VIL1: variants seen among roughly 807,000 people sequenced by gnomAD.
The protein encoded by VIL1 is villin-1.
Under a neutral mutation model 104.0 loss-of-function variants are expected in VIL1, and 86 were observed. The ratio of observed to expected loss-of-function variants is 0.83; its 90% CI spans 0.69 to 0.99. VIL1 has a LOEUF of 0.99. VIL1 is among the 50% of genes least tolerant of loss of function. VIL1 has a pLI of 0.00. For synonymous variants in VIL1, 394 were observed against 412.6 expected, an observed-to-expected ratio of 0.95 and a Z score of 0.55; for missense variants, 944 against 1,054.1, an observed-to-expected ratio of 0.90 and a Z score of 1.45.
intron 10 of VIL1, chr2:218,431,217 G>A: frequency 2.1e-6 from 1 of 471,660 alleles, no homozygotes; most frequent in Non-Finnish European, 3.7e-6. Flanking sequence ...CAAGCATGGT[G>A]GTGCATGCCT....
chr2:218,420,968 C>A (rs972912324), intron 1 of VIL1, among the ~76,000 whole-genome samples: 2 of 152,074 alleles, frequency 1.3e-5, no homozygotes, highest in African/African-American at 2.4e-5. Flanking sequence ...AGCTCAGGGA[C>A]CTCCAACTTA....
At chr2:218,438,579 C>T in intron 17 of VIL1, 79 bp from the exon 18 acceptor site, 1 of 1,397,886 alleles carries the variant, frequency 7.2e-7, no homozygotes, top group Non-Finnish European at 1.0e-6. Flanking sequence ...GCCTTCTTTT[C>T]ATTCCTGAGG....
chr2:218,420,090 C>T (rs980835033), intron 1 of VIL1, among the ~76,000 whole-genome samples: 6 of 152,152 alleles, frequency 3.9e-5, no homozygotes, highest in African/African-American at 1.4e-4. Flanking sequence ...GGCAGCACCC[C>T]ACTTACAACA....
In VIL1 at chr2:218,430,756, G is replaced by A. The variant is rs1689080267; in HGVS notation, c.980G>A (p.Ser327Asn). The A allele has an allele frequency of 1.9e-6, 3 of 1,609,970 alleles. No homozygotes were observed. The highest frequency in any genetic ancestry group is 2.5e-6 in the Non-Finnish European group (3 of 1,177,898). The change falls in exon 10 of 20, where the codon AGC becomes AAC. Residue 327 changes from serine (S) to asparagine (N), a missense_variant. Transcript: ENST00000248444. ...NFIKAKQYPP[S>N]TQVEVQNDGA... ...ATCAAAGCCAAGCAGTACCCACCAA[G>A]CACACAGGTGGAGGTGCAGAATGAT...
In VIL1 at chr2:218,430,757, C is replaced by T. The variant is rs753156105; in HGVS notation, c.981C>T (p.Ser327=). 1.2e-6 allele frequency: 2 copies of T among 1,609,686 alleles called. No individual in the cohort carries two copies. The highest frequency in any genetic ancestry group is 2.7e-5 in the African/African-American group (2 of 74,824). ...NFIKAKQYPP[S]TQVEVQNDGA... is the part of the protein sequence containing the mutation. Reference sequence around the variant, plus strand: ...TCAAAGCCAAGCAGTACCCACCAAGCACACAGGTGGAGGTGCAGAATGATG... The same window carrying T: ...TCAAAGCCAAGCAGTACCCACCAAGTACACAGGTGGAGGTGCAGAATGATG... The change falls in exon 10 of 20, where the codon AGC becomes AGT. Residue 327 remains serine (S), a synonymous_variant. Coordinates refer to ENST00000248444, the MANE Select transcript of VIL1 (RefSeq NM_007127.3).
intron 2 of VIL1, 110 bp downstream of exon 2, chr2:218,423,963 C>T (rs1425079409): frequency 4.0e-6 from 5 of 1,260,568 alleles, no homozygotes; most frequent in Non-Finnish European, 5.7e-6. Context: ...TGCCCTGAAG[C>T]CCCTGAGAGC....
At chr2:218,425,579 C>T in intron 3 of VIL1, 36 bp from the exon 4 acceptor site, 1 of 1,608,976 alleles carries the variant, frequency 6.2e-7, no homozygotes, top group African/African-American at 1.3e-5. Context: ...CTGTGGGAGC[C>T]CAGGGTCTCG....
intron 3 of VIL1, among the ~76,000 whole-genome samples, 187 bp from the exon 4 acceptor site, chr2:218,425,428 A>G (rs575694148): frequency 6.6e-6 from 1 of 152,322 alleles, no homozygotes; most frequent in African/African-American, 2.4e-5. Context: ...AGAGAGGAGA[A>G]GCCATGTCTC....
rs752863768 is a variant in VIL1 at position 218,424,373 on chromosome 2, G to C, written c.150+22G>C. The C allele has an allele frequency of 1.9e-5, 30 of 1,612,202 alleles. No individual in the cohort carries two copies. In the South Asian group the frequency reaches 3.2e-4, roughly 17 times the overall value. Reference sequence around the variant, plus strand: ...GGCTGTGAGTCAGGGGCAGGGGAGGGGGCTGAGCAGAGAGCAAAACCCACT... The same window carrying C: ...GGCTGTGAGTCAGGGGCAGGGGAGGCGGCTGAGCAGAGAGCAAAACCCACT... On this transcript the variant is annotated intron_variant, in intron 3 of 19. Transcript: ENST00000248444.
In VIL1 at chr2:218,434,578, TC is replaced by T. The variant is rs752726860; in HGVS notation, c.1555del (p.Gln519ArgfsTer134). 6.2e-7 allele frequency: 1 copy of T among 1,614,094 alleles called. No individual in the cohort carries two copies. Among genetic ancestry groups the T allele is most frequent in the Non-Finnish European group, 8.5e-7 (1 of 1,180,006 alleles). Reference sequence around the variant, plus strand: ...GAGACCGGGCCCTCCACACGGCTGTTCCAGGTCCAGGGAACTGGCGCCAACA... The same window carrying T: ...GAGACCGGGCCCTCCACACGGCTGTTCAGGTCCAGGGAACTGGCGCCAACA... Reference protein sequence around the residue: ...NLETGPSTRLFQVQGTGANNT... With the variant: ...NLETGPSTRLXQVQGTGANNT... On this transcript the variant is annotated frameshift_variant, in exon 14 of 20. Coordinates refer to ENST00000248444, the MANE Select transcript of VIL1 (RefSeq NM_007127.3). LOFTEE classifies it high-confidence loss of function.
chr2:218,437,162 G>C lies in VIL1; in HGVS notation c.2010G>C (p.Glu670Asp). 5 of 1,614,056 alleles carry C rather than the reference G, an allele frequency of 3.1e-6. No homozygotes were observed. The highest frequency in any genetic ancestry group is 4.2e-6 in the Non-Finnish European group (5 of 1,179,892). ...TTGGGAAACATGCCAACGAGGAGGAGAAGAAGGCCGCAGCAACCACTGCAC... is the reference window on the plus strand; with the variant it reads ...TTGGGAAACATGCCAACGAGGAGGACAAGAAGGCCGCAGCAACCACTGCAC... ...FWIGKHANEE[E>D]KKAAATTAQE... is the part of the protein sequence containing the mutation. The change falls in exon 17 of 20, where the codon GAG (glutamate) becomes GAC (aspartate). Residue 670 changes from glutamate (E) to aspartate (D), a missense_variant. Physicochemically the swap from Glu to Asp is conservative, Grantham distance 45 (BLOSUM62 2). Transcript: ENST00000248444.
At chr2:218,423,991 G>A (rs771199963) in intron 2 of VIL1, 138 bp downstream of exon 2, 134 of 937,832 alleles carry the variant, frequency 1.4e-4, no homozygotes, top group Non-Finnish European at 2.1e-4. Context: ...CTCACCTCCC[G>A]CATCATCCAC....
chr2:218,425,119 C>T (rs1414565734), intron 3 of VIL1, among the ~76,000 whole-genome samples: 9 of 152,208 alleles, frequency 5.9e-5, no homozygotes, highest in Non-Finnish European at 8.8e-5. Flanking sequence ...CTCGCTCTGT[C>T]GCCCAGGCTG....
chr2:218,434,411 C>T (rs978743031), intron 13 of VIL1, 115 bp from the exon 14 acceptor site: 4 of 1,035,992 alleles, frequency 3.9e-6, no homozygotes, highest in Non-Finnish European at 5.6e-6. Context: ...GACGGAGCAT[C>T]AGAGGAGCTC....
intron 19 of VIL1, among the ~76,000 whole-genome samples, chr2:218,448,693 T>C (rs752815357): frequency 3.9e-5 from 6 of 151,922 alleles, no homozygotes; most frequent in African/African-American, 7.3e-5. Flanking sequence ...CACACTACTA[T>C]CTTTTTCATT....
chr2:218,436,049 G>C (rs887403645), intron 15 of VIL1, among the ~76,000 whole-genome samples: 3 of 152,178 alleles, frequency 2.0e-5, no homozygotes, highest in Non-Finnish European at 4.4e-5. Flanking sequence ...ATGTTGGCCA[G>C]GCTGGTCTTG....
At chr2:218,444,500 G>C (rs1402641366) in intron 19 of VIL1, among the ~76,000 whole-genome samples, 1 of 150,832 alleles carries the variant, frequency 6.6e-6, no homozygotes, top group Non-Finnish European at 1.5e-5. Flanking sequence ...GGATGGTCTC[G>C]ATCTCCCGAC....
chr2:218,419,199 C>T (rs1319478529), intron 1 of VIL1, 31 bp downstream of exon 1: 1 of 152,264 alleles, frequency 6.6e-6, no homozygotes, highest in Admixed American at 6.5e-5. Flanking sequence ...CACATGGAGA[C>T]CTTAGGTGGT....
At chr2:218,436,368 T>G (rs1477303636) in intron 15 of VIL1, 114 bp from the exon 16 acceptor site, 6 of 1,375,356 alleles carry the variant, frequency 4.4e-6, no homozygotes, top group Non-Finnish European at 5.9e-6. Flanking sequence ...AGATAGAGCA[T>G]TTTGCTGGAG....
Sources: gnomAD v4.1 joint callset for allele counts (sites outside exome capture counted in the v4.1 genomes callset) on GRCh38, gnomAD v4.1.1 for gene constraint, MANE v1.5 for transcripts, NCBI Gene and HGNC (gene_info 2026-07-23, HGNC 2026-07-21) for gene names.